The following DSCAML1 variants were observed in gnomAD, a reference collection of about 807,000 sequenced individuals.
The protein encoded by DSCAML1 is cell adhesion molecule DSCAML1.
A neutral mutation model predicts 200.5 loss-of-function variants in DSCAML1; 38 were observed. The observed-to-expected ratio is 0.19, with a 90% CI of 0.15 to 0.25. The LOEUF is 0.25. DSCAML1 is among the 10% of genes least tolerant of loss of function. The pLI is 1.00. For missense variants in DSCAML1, 2,223 were observed against 2,858.8 expected (o/e 0.78, Z 5.07); for synonymous variants, 1,215 against 1,165.0 (o/e 1.04, Z -0.87).
At chr11:117,759,898 T>C (rs1293205797) in intron 3 of DSCAML1, among the ~76,000 whole-genome samples, 1 of 152,132 alleles carries the variant, frequency 6.6e-6, no homozygotes, top group Admixed American at 6.5e-5. Flanking sequence ...CACTTTTAAT[T>C]GTTATTTTAC....
At chr11:117,616,673 A>G (rs1466231380) in intron 3 of DSCAML1, among the ~76,000 whole-genome samples, 1 of 152,206 alleles carries the variant, frequency 6.6e-6, no homozygotes, top group East Asian at 1.9e-4. Context: ...TGGAAGGGTA[A>G]CACAAGGGGA....
At chr11:117,611,869 C>G (rs1271478993) in intron 3 of DSCAML1, 2 of 152,126 alleles carry the variant, frequency 1.3e-5, no homozygotes, top group Non-Finnish European at 2.9e-5. Context: ...AGAAACTATC[C>G]AGCTCTCTAA....
intron 3 of DSCAML1, among the ~76,000 whole-genome samples, chr11:117,752,596 T>C (rs985068230): frequency 9.2e-5 from 14 of 152,040 alleles, no homozygotes; most frequent in South Asian, 2.1e-4. Flanking sequence ...TCTTTGGTGG[T>C]TGGTTGGAAC....
intron 3 of DSCAML1, among the ~76,000 whole-genome samples, chr11:117,541,956 C>T (rs766452984): frequency 1.3e-5 from 2 of 152,218 alleles, no homozygotes; most frequent in Non-Finnish European, 2.9e-5. Context: ...CTGCTGGTTT[C>T]AGGATGGAAC....
chr11:117,622,259 C>T (rs953932778), intron 3 of DSCAML1, among the ~76,000 whole-genome samples: 19 of 152,156 alleles, frequency 1.2e-4, no homozygotes, highest in African/African-American at 3.4e-4. Flanking sequence ...TTGTGCTGTA[C>T]CCTGCTTCAC....
At chr11:117,773,160 G>A (rs58959376) in intron 3 of DSCAML1, among the ~76,000 whole-genome samples, 1 of 152,148 alleles carries the variant, frequency 6.6e-6, no homozygotes, top group Non-Finnish European at 1.5e-5. Flanking sequence ...ATTCTTCCCA[G>A]ACTCCTTCAG....
chr11:117,559,946 G>T (rs2050630370), intron 3 of DSCAML1, among the ~76,000 whole-genome samples: 1 of 152,116 alleles, frequency 6.6e-6, no homozygotes, highest in South Asian at 2.1e-4. Flanking sequence ...AGAAGCCAAA[G>T]GGGGAAAGTC....
intron 19 of DSCAML1, 109 bp from the exon 20 acceptor site, chr11:117,450,797 A>T (rs1052572661): frequency 9.6e-5 from 129 of 1,340,162 alleles, no homozygotes; most frequent in Middle Eastern, 4.3e-4. Context: ...AGCTTCTTGG[A>T]GGTGGCATCC....
At position 117,467,194 on chromosome 11, in the gene DSCAML1, C is replaced by A. The variant is rs754138446; in HGVS notation, c.3025-2012G>T. Among the ~76,000 whole-genome samples, 359 of 89,564 alleles carry A rather than the reference C, an allele frequency of 4.0e-3. 15 individuals are homozygous for A. The highest frequency in any genetic ancestry group is 5.7e-3 in the Non-Finnish European group (294 of 51,474). 58.8% of individuals were successfully genotyped at this position (89,564 alleles called of 152,430 possible). ...GCGCACGCATGCGCGTGCACACACA[C>A]CTCCCCCCTCCCCCCGCCGCCAATA... On this transcript the variant is annotated intron_variant, in intron 16 of 32. Transcript: ENST00000651296.
At position 117,521,062 on chromosome 11, in the gene DSCAML1, C is replaced by G. The variant is rs1374206495; in HGVS notation, c.1213+68G>C. 10 of 1,571,342 alleles carry G rather than the reference C, an allele frequency of 6.4e-6. No homozygotes were observed. In the Admixed American group the frequency reaches 1.5e-4, roughly 24 times the overall value. On this transcript the variant is annotated intron_variant, in intron 6 of 32. Transcript: ENST00000651296. ...ATGCCTCCTGGCATTGCTCCCACCT[C>G]AGCAGAAGGGAGGGAATGAGCTCGG...
chr11:117,734,592 G>T (rs1248106054), intron 3 of DSCAML1, among the ~76,000 whole-genome samples: 3 of 152,096 alleles, frequency 2.0e-5, no homozygotes, highest in Admixed American at 1.3e-4. Flanking sequence ...CCCCATCCCT[G>T]CACCCCCATT....
At chr11:117,778,761 G>C (rs2055178234) in intron 2 of DSCAML1, among the ~76,000 whole-genome samples, 1 of 152,176 alleles carries the variant, frequency 6.6e-6, no homozygotes, top group African/African-American at 2.4e-5. Flanking sequence ...CTTCCCCTTA[G>C]CCCAATCCTC....
chr11:117,493,931 T>C (rs1565738098), intron 11 of DSCAML1, among the ~76,000 whole-genome samples: 1 of 152,200 alleles, frequency 6.6e-6, no homozygotes, highest in Non-Finnish European at 1.5e-5. Context: ...CCTGGCCTGG[T>C]CTTCTACTTT....
At chr11:117,737,614 A>AAGGTGGTGTGTTTT (rs2054342446) in intron 3 of DSCAML1, among the ~76,000 whole-genome samples, 1 of 152,208 alleles carries the variant, frequency 6.6e-6, no homozygotes, top group East Asian at 1.9e-4. Flanking sequence ...GTATATGTTT[A>AAGGTGGTGTGTTTT]AGGTGGTGTT....
At chr11:117,696,482 G>A (rs546389170) in intron 3 of DSCAML1, among the ~76,000 whole-genome samples, 1 of 152,298 alleles carries the variant, frequency 6.6e-6, no homozygotes, top group East Asian at 1.9e-4. Context: ...ATTTACTAAA[G>A]AAAAACAGGA....
At chr11:117,778,406 G>A (rs999094117) in intron 2 of DSCAML1, among the ~76,000 whole-genome samples, 27 of 152,198 alleles carry the variant, frequency 1.8e-4, no homozygotes, top group African/African-American at 5.5e-4. Flanking sequence ...GGAGTCAGCA[G>A]AGGTTAATGG....
intron 3 of DSCAML1, among the ~76,000 whole-genome samples, chr11:117,661,101 T>G (rs891650552): frequency 5.3e-5 from 8 of 152,160 alleles, no homozygotes; most frequent in Non-Finnish European, 1.0e-4. Context: ...GTTCCCAAGG[T>G]GAGGGGTCCT....
chr11:117,812,039 G>A (rs1440537085), intron 1 of DSCAML1, among the ~76,000 whole-genome samples: 6 of 152,044 alleles, frequency 3.9e-5, no homozygotes, highest in African/African-American at 1.2e-4. Context: ...TTATTAGGCC[G>A]AGATATTTTA....
intron 3 of DSCAML1, among the ~76,000 whole-genome samples, chr11:117,541,615 C>G (rs2050269755): frequency 6.6e-6 from 1 of 152,178 alleles, no homozygotes; most frequent in Non-Finnish European, 1.5e-5. Context: ...TCCTTGTTTC[C>G]CCAGCTTGGG....
Sources: allele counts gnomAD v4.1 joint callset (sites outside exome capture counted in the v4.1 genomes callset), GRCh38; gene constraint gnomAD v4.1.1; transcripts MANE v1.5; gene names NCBI Gene and HGNC (gene_info 2026-07-23, HGNC 2026-07-21).